Variants in IL34 observed in about 807,000 individuals in gnomAD.
IL34 encodes the protein interleukin-34.
Under a neutral mutation model 25.3 loss-of-function variants are expected in IL34, and 17 were observed. The observed-to-expected ratio is 0.67, with a 90% CI of 0.46 to 1.01. IL34 has a LOEUF of 1.01. Among genes scored for constraint, IL34 ranks in the 50% least tolerant of loss-of-function variants. The pLI is 0.00. For synonymous variants in IL34, 174 were observed against 140.9 expected, an observed-to-expected ratio of 1.23 and a Z score of -1.66; for missense variants, 368 against 312.9, an observed-to-expected ratio of 1.18 and a Z score of -1.33.
chr16:70,632,330 C>A (rs1487526477), intron 1 of IL34, among the ~76,000 whole-genome samples: 2 of 152,156 alleles, frequency 1.3e-5, no homozygotes, highest in African/African-American at 4.8e-5. Context: ...GCAGGGTGTG[C>A]TTAGACAAAT....
At chr16:70,639,608 C>T (rs910183933) in intron 1 of IL34, among the ~76,000 whole-genome samples, 2 of 152,148 alleles carry the variant, frequency 1.3e-5, no homozygotes, top group Non-Finnish European at 2.9e-5. Context: ...CCGCTTGTAT[C>T]GTGACGAAGG....
intron 1 of IL34, among the ~76,000 whole-genome samples, chr16:70,636,006 A>G (rs545424367): frequency 2.6e-5 from 4 of 151,838 alleles, no homozygotes; most frequent in African/African-American, 9.6e-5. Flanking sequence ...TGAACCCAAA[A>G]GGTGTAGCTT....
intron 1 of IL34, among the ~76,000 whole-genome samples, chr16:70,647,677 T>G (rs2051974120): frequency 6.6e-6 from 1 of 152,180 alleles, no homozygotes; most frequent in Non-Finnish European, 1.5e-5. Context: ...AGGACCTTGC[T>G]GTCTCGTGCC....
intron 1 of IL34, among the ~76,000 whole-genome samples, chr16:70,629,379 A>G (rs2051466621): frequency 6.6e-6 from 1 of 151,878 alleles, no homozygotes; most frequent in Admixed American, 6.6e-5. Context: ...TCTTTTCCTG[A>G]TTTTTATCTA....
At chr16:70,641,756 A>G (rs2151863126), upstream of IL34, among the ~76,000 whole-genome samples, 1 of 151,920 alleles carries the variant, frequency 6.6e-6, no homozygotes, top group Non-Finnish European at 1.5e-5. Flanking sequence ...TTGTAGAGAC[A>G]GGGTTTTGCT....
upstream of IL34, among the ~76,000 whole-genome samples, chr16:70,641,667 A>G (rs2051788201): frequency 6.6e-6 from 1 of 151,544 alleles, no homozygotes; most frequent in Non-Finnish European, 1.5e-5. Flanking sequence ...CCCAGATTCA[A>G]GTGATCTTCC....
At chr16:70,604,339 C>T (rs567405341) in intron 1 of IL34, among the ~76,000 whole-genome samples, 2 of 152,322 alleles carry the variant, frequency 1.3e-5, no homozygotes, top group African/African-American at 4.8e-5. Context: ...TCTGCAAACA[C>T]CCATTTCCCC....
chr16:70,659,724 G>T lies in IL34; in HGVS notation c.509G>T (p.Arg170Leu). ...AAAGCCCTGCTGGACAACTGCTTCC[G>T]GGTCATGGAGCTGCTGTACTGCTCC... ...RPKALLDNCF[R>L]VMELLYCSCC... The change falls in exon 5 of 6, where the codon CGG (arginine) becomes CTG (leucine). Residue 170 changes from arginine (R) to leucine (L), a missense_variant. Transcript: ENST00000288098. 1 of 1,606,998 alleles carries T rather than the reference G, an allele frequency of 6.2e-7. No individual in the cohort carries two copies.
At chr16:70,637,092 C>A (rs1281903524) in intron 1 of IL34, among the ~76,000 whole-genome samples, 1 of 151,884 alleles carries the variant, frequency 6.6e-6, no homozygotes, top group Admixed American at 6.6e-5. Context: ...GATCTCCTGA[C>A]CTCGTGATCT....
At chr16:70,593,662 G>T (rs1377669630) in intron 1 of IL34, among the ~76,000 whole-genome samples, 1 of 152,032 alleles carries the variant, frequency 6.6e-6, no homozygotes, top group Non-Finnish European at 1.5e-5. Context: ...GACTACAGGT[G>T]CATGCCACCA....
intron 1 of IL34, among the ~76,000 whole-genome samples, chr16:70,592,747 T>A (rs1224326520): frequency 3.3e-5 from 5 of 152,106 alleles, no homozygotes; most frequent in Non-Finnish European, 5.9e-5. Context: ...CTCTGCCTCC[T>A]GGGTGCAAGC....
chr16:70,619,610 G>T (rs2151835444), intron 1 of IL34, among the ~76,000 whole-genome samples: 1 of 152,312 alleles, frequency 6.6e-6, no homozygotes, highest in African/African-American at 2.4e-5. Flanking sequence ...TGTGGAGTGG[G>T]TAGCCTCCGT....
At chr16:70,629,408 A>G (rs1283790864) in intron 1 of IL34, among the ~76,000 whole-genome samples, 1 of 152,192 alleles carries the variant, frequency 6.6e-6, no homozygotes, top group African/African-American at 2.4e-5. Context: ...AGATCTCCAG[A>G]ACCTACTACA....
At chr16:70,639,877 G>A (rs1459722807) in intron 1 of IL34, among the ~76,000 whole-genome samples, 2 of 151,946 alleles carry the variant, frequency 1.3e-5, no homozygotes, top group East Asian at 3.9e-4. Flanking sequence ...AGGATCACTT[G>A]AGCCCAAGAG....
At chr16:70,653,210 C>A (rs577973053) in intron 1 of IL34, among the ~76,000 whole-genome samples, 1 of 151,834 alleles carries the variant, frequency 6.6e-6, no homozygotes, top group African/African-American at 2.4e-5. Context: ...AAGATTCTGT[C>A]TAAAAAAGAA....
At chr16:70,607,796 G>T (rs2051029809) in intron 1 of IL34, among the ~76,000 whole-genome samples, 1 of 150,826 alleles carries the variant, frequency 6.6e-6, no homozygotes, top group East Asian at 2.0e-4. Context: ...ACAGAGTCTT[G>T]CTCTGTTACC....
At chr16:70,603,572 C>T (rs1450087290) in intron 1 of IL34, among the ~76,000 whole-genome samples, 2 of 152,066 alleles carry the variant, frequency 1.3e-5, no homozygotes, top group Admixed American at 6.6e-5. Context: ...GTCACCGTGC[C>T]CGGCCTATTT....
intron 1 of IL34, among the ~76,000 whole-genome samples, chr16:70,621,059 G>A (rs1310049852): frequency 6.6e-6 from 1 of 152,060 alleles, no homozygotes; most frequent in African/African-American, 2.4e-5. Context: ...GTTTGGGTGT[G>A]GAAATAAGCA....
At chr16:70,638,667 G>T (rs1436486486) in intron 1 of IL34, among the ~76,000 whole-genome samples, 1 of 151,962 alleles carries the variant, frequency 6.6e-6, no homozygotes, top group Non-Finnish European at 1.5e-5. Context: ...TGTCAGCCAC[G>T]GCTCACTGCA....
Sources: allele counts gnomAD v4.1 joint callset (sites outside exome capture counted in the v4.1 genomes callset), GRCh38; gene constraint gnomAD v4.1.1; transcripts MANE v1.5; gene names NCBI Gene and HGNC (gene_info 2026-07-23, HGNC 2026-07-21).